SLC9A5: variants seen among roughly 807,000 people sequenced by gnomAD.
SLC9A5 encodes solute carrier family 9 member A5.
SLC9A5 carries 52 observed loss-of-function variants against 91.7 expected under a neutral mutation model. The observed-to-expected ratio is 0.57, with a 90% CI of 0.45 to 0.71. The LOEUF (loss-of-function observed/expected upper bound fraction) is 0.71, where lower values mean the gene tolerates loss of function less well. Ranked by LOEUF, SLC9A5 falls within the 30% of genes least tolerant of loss-of-function variation. SLC9A5 has a pLI of 0.00. For missense variants in SLC9A5, 871 were observed against 1,158.9 expected (o/e 0.75, Z 3.61); for synonymous variants, 419 against 474.5 (o/e 0.88, Z 1.52).
intron 15 of SLC9A5, among the ~76,000 whole-genome samples, chr16:67,269,738 T>C (rs2035856741): frequency 6.6e-6 from 1 of 152,216 alleles, no homozygotes; most frequent in Non-Finnish European, 1.5e-5. Context: ...GATGAACAGA[T>C]ACAGGCTGTA....
chr16:67,259,485 G>A (rs1386435553), intron 10 of SLC9A5, 88 bp from the exon 11 acceptor site: 10 of 917,236 alleles, frequency 1.1e-5, no homozygotes, highest in Non-Finnish European at 1.6e-5. Context: ...TAAACTAAGT[G>A]TTCGTTATTA....
Position 67,254,944 on chromosome 16 carries a change from G to A in SLC9A5, c.491-77G>A, listed in dbSNP as rs576303244. The A allele has an allele frequency of 4.7e-5, 69 of 1,456,694 alleles. No individual in the cohort carries two copies. The Middle Eastern group carries it at 2.6e-3, about 56-fold the overall frequency. The allele number at this position is 1,456,694 out of a possible 1,614,324, so 90.2% of individuals were successfully genotyped here. A position where few individuals can be genotyped will look rare whatever the true frequency, so the allele number is the denominator to read the frequency against. ...GCTGTTATCAGCAGGGGTGGGGCCT[G>A]GGCTTGTTCCAGGGCGTGCTCCAGG... On this transcript the variant is annotated intron_variant, in intron 2 of 15. Coordinates refer to ENST00000299798, the MANE Select transcript of SLC9A5 (RefSeq NM_004594.3).
chr16:67,265,674 C>T (rs1318828088), intron 14 of SLC9A5, among the ~76,000 whole-genome samples: 1 of 152,190 alleles, frequency 6.6e-6, no homozygotes, highest in Non-Finnish European at 1.5e-5. Flanking sequence ...CCGCCTGCCT[C>T]AGCTTCCCAA....
rs2035316825 is a variant in SLC9A5 at position 67,256,335 on chromosome 16, C to A, written c.912-134C>A. ...CAGCACTACCATTCAAGTCTTCAGG[C>A]CTCCCTGGGCTTCAGCTCTGAGAGT... is the stretch of plus-strand genomic sequence containing the variant. On this transcript the variant is annotated intron_variant, in intron 5 of 15. Transcript: ENST00000299798. This position sits in a 1 kb window ranked among gnomAD's most constrained non-coding sequence, Gnocchi z 4.1. 9.1e-6 allele frequency: 6 copies of A among 662,376 alleles called. No individual in the cohort carries two copies. Among genetic ancestry groups the A allele is most frequent in the Non-Finnish European group, 1.6e-5 (6 of 375,138 alleles). 41.0% of individuals were successfully genotyped at this position (662,376 alleles called of 1,614,324 possible). A position where few individuals can be genotyped will look rare whatever the true frequency, so the allele number is the denominator to read the frequency against.
Position 67,252,651 on chromosome 16 carries a change from G to A in SLC9A5, c.297G>A (p.Glu99=), listed in dbSNP as rs1255919725. The change falls in exon 2 of 16, where the codon GAG becomes GAA. Residue 99 remains glutamate, a synonymous_variant. Transcript: ENST00000299798. The surrounding 1 kb of genome is among the most constrained non-coding windows in gnomAD (Gnocchi z 4.0). ...GIVLAVAKKA[E]YQLEPGTFFL... ...TTTTGGCTGTGGCCAAGAAAGCTGA[G>A]TACCAGCTGGAGCCAGGCACCTTCT... 4 of 1,614,204 alleles carry A rather than the reference G, an allele frequency of 2.5e-6. No individual in the cohort carries two copies. The highest frequency in any genetic ancestry group is 4.5e-5 in the East Asian group (2 of 44,882).
At chr16:67,265,883 C>T (rs1356594741) in intron 14 of SLC9A5, among the ~76,000 whole-genome samples, 2 of 152,172 alleles carry the variant, frequency 1.3e-5, no homozygotes, top group South Asian at 2.1e-4. Context: ...TTCCTCTGGT[C>T]GCTTCCTTGG....
rs775761007 is a variant in SLC9A5 at position 67,264,348 on chromosome 16, C to T, written c.1843-4C>T. Reference sequence around the variant, plus strand: ...TCATAGCCAGGCGGGGCTGTCATTGCCAGTACAAAGCCAGCTGCAGTCGCC... The same window carrying T: ...TCATAGCCAGGCGGGGCTGTCATTGTCAGTACAAAGCCAGCTGCAGTCGCC... On this transcript the variant is annotated splice_polypyrimidine_tract_variant and splice_region_variant and intron_variant, in intron 12 of 15. Transcript: ENST00000299798. The T allele has an allele frequency of 6.2e-7, 1 of 1,613,652 alleles. No homozygotes were observed.
In SLC9A5 at chr16:67,255,665, C is replaced by A; in HGVS notation, c.734-88C>A. 2 of 1,422,754 alleles carry A rather than the reference C, an allele frequency of 1.4e-6. No homozygotes were observed. 88.1% of individuals were successfully genotyped at this position (1,422,754 alleles called of 1,614,324 possible). A position where few individuals can be genotyped will look rare whatever the true frequency, so the allele number is the denominator to read the frequency against. On this transcript the variant is annotated intron_variant, in intron 4 of 15. Coordinates refer to ENST00000299798, the MANE Select transcript of SLC9A5 (RefSeq NM_004594.3). The surrounding 1 kb of genome is among the most constrained non-coding windows in gnomAD (Gnocchi z 4.9). The stretch of plus-strand genomic sequence containing the variant: ...GAGCCCCTGGGAGTGCGGTGGGCAT[C>A]ATCCCTCACTCCCTGCCAGGCAGCA...
Position 67,270,716 on chromosome 16 carries a change from C to T in SLC9A5, c.2219-22C>T, listed in dbSNP as rs1183290555. ...ATTTCCACTGTATTGGTAATGAGTT[C>T]ATGTGTACTCTCTGTCCCCAGGAAG... On this transcript the variant is annotated intron_variant, in intron 15 of 15. Coordinates refer to ENST00000299798, the MANE Select transcript of SLC9A5 (RefSeq NM_004594.3). The surrounding 1 kb of genome is among the most constrained non-coding windows in gnomAD (Gnocchi z 4.3). 1 of 1,503,428 alleles carries T rather than the reference C, an allele frequency of 6.7e-7. No homozygotes were observed. Among genetic ancestry groups the T allele is most frequent in the East Asian group, 2.3e-5 (1 of 43,222 alleles). 93.1% of individuals were successfully genotyped at this position (1,503,428 alleles called of 1,614,324 possible). A position where few individuals can be genotyped will look rare whatever the true frequency, so the allele number is the denominator to read the frequency against.
rs2035151648 is a variant in SLC9A5 at position 67,252,223 on chromosome 16, G to T, written c.188-319G>T. ...CCAGCACTTTGGGAGGCCAAGGTGG[G>T]CGGATCATGAGGTCAGGAGTTCAAG... is the stretch of plus-strand genomic sequence containing the variant. On this transcript the variant is annotated intron_variant, in intron 1 of 15. Transcript: ENST00000299798. This position sits in a 1 kb window ranked among gnomAD's most constrained non-coding sequence, Gnocchi z 4.0. Among the ~76,000 whole-genome samples, 1 of 152,136 alleles carries T rather than the reference G, an allele frequency of 6.6e-6. No homozygotes were observed. Among genetic ancestry groups the T allele is most frequent in the African/African-American group, 2.4e-5 (1 of 41,400 alleles).
intron 11 of SLC9A5, 49 bp from the exon 12 acceptor site, chr16:67,259,771 G>A (rs1270859123): frequency 1.9e-6 from 3 of 1,603,912 alleles, no homozygotes; most frequent in Admixed American, 3.3e-5. Flanking sequence ...CCTTCTCCTG[G>A]ACTGCCTCCT....
rs946843566 is a variant in SLC9A5, at chr16:67,252,166, T to A, written c.188-376T>A. Reference sequence around the variant, plus strand: ...CTCCCTTGGTCCCAGTCTTAGAAGGTTGGCCAGGCGCGGTGGCTCACACCT... The same window carrying A: ...CTCCCTTGGTCCCAGTCTTAGAAGGATGGCCAGGCGCGGTGGCTCACACCT... On this transcript the variant is annotated intron_variant, in intron 1 of 15. Transcript: ENST00000299798. The surrounding 1 kb of genome is among the most constrained non-coding windows in gnomAD (Gnocchi z 4.0). 1.3e-5 allele frequency among the ~76,000 whole-genome samples: 2 copies of A among 151,528 alleles called. No individual in the cohort carries two copies. The highest frequency in any genetic ancestry group is 1.3e-4 in the Admixed American group (2 of 15,204).
rs190794907 is a variant in SLC9A5 at position 67,259,810 on chromosome 16, C to T, written c.1716-10C>T. 400 of 1,613,746 alleles carry T rather than the reference C, an allele frequency of 2.5e-4. No individual in the cohort carries two copies. The African/African-American group carries it at 4.1e-3, about 17-fold the overall frequency. On this transcript the variant is annotated splice_polypyrimidine_tract_variant and intron_variant, in intron 11 of 15. Coordinates refer to ENST00000299798, the MANE Select transcript of SLC9A5 (RefSeq NM_004594.3). ...CCCTCTCCAGCACATGTGTCCCCTGCCTCCTGCAGGAGGGAGAGTGGCAGT... is the reference window on the plus strand; with the variant it reads ...CCCTCTCCAGCACATGTGTCCCCTGTCTCCTGCAGGAGGGAGAGTGGCAGT...
chr16:67,263,968 G>A (rs1366856850), intron 12 of SLC9A5, among the ~76,000 whole-genome samples: 1 of 152,198 alleles, frequency 6.6e-6, no homozygotes, highest in African/African-American at 2.4e-5. Context: ...GTAGCTAGAA[G>A]GGGGCAGGTA....
At position 67,271,208 on chromosome 16, in the gene SLC9A5, T is replaced by C; in HGVS notation, c.2689T>C (p.Ter897GlnextTer22). ...CCAGTTCAACAGAGGCAGCCGGCTG[T>C]AGCTCAAGGCCTCGGGGAGGAGCAG... ...CIQFNRGSRL[*>Q] is the part of the protein sequence containing the mutation. The change falls in exon 16 of 16, where the codon TAG becomes CAG. Residue 897 changes from the stop codon to glutamine, a stop_lost. Coordinates refer to ENST00000299798, the MANE Select transcript of SLC9A5 (RefSeq NM_004594.3). 3.7e-6 allele frequency: 6 copies of C among 1,610,554 alleles called. No homozygotes were observed. The highest frequency in any genetic ancestry group is 5.1e-6 in the Non-Finnish European group (6 of 1,179,556).
chr16:67,256,298 G>A lies in SLC9A5; in HGVS notation c.912-171G>A, dbSNP rs1258406067. On this transcript the variant is annotated intron_variant, in intron 5 of 15. Transcript: ENST00000299798. The surrounding 1 kb of genome is among the most constrained non-coding windows in gnomAD (Gnocchi z 4.1). ...CACTGAATGGGAAGCCTGGAGATCTGGACTCTTAGCCCAGCACTACCATTC... is the reference window on the plus strand; with the variant it reads ...CACTGAATGGGAAGCCTGGAGATCTAGACTCTTAGCCCAGCACTACCATTC... 2.0e-5 allele frequency among the ~76,000 whole-genome samples: 3 copies of A among 152,174 alleles called. No individual in the cohort carries two copies. The highest frequency in any genetic ancestry group is 7.2e-5 in the African/African-American group (3 of 41,432).
At chr16:67,260,618 T>C (rs1421489513) in intron 12 of SLC9A5, among the ~76,000 whole-genome samples, 1 of 152,022 alleles carries the variant, frequency 6.6e-6, no homozygotes, top group Non-Finnish European at 1.5e-5. Context: ...GGTGATTGGC[T>C]CTGATGGTGA....
chr16:67,270,976 A>G lies in SLC9A5; in HGVS notation c.2457A>G (p.Pro819=), dbSNP rs766710071. 4.3e-6 allele frequency: 7 copies of G among 1,613,856 alleles called. No individual in the cohort carries two copies. Among genetic ancestry groups the G allele is most frequent in the Non-Finnish European group, 4.2e-6 (5 of 1,179,896 alleles). ...APILTCLPPH[P]RGTEEPQVPL... ...TTCTGACCTGCCTGCCTCCCCATCC[A>G]CGGGGCACTGAAGAGCCCCAGGTCC... Residue 819 remains proline (P), a synonymous_variant, in exon 16 of 16, where the codon CCA becomes CCG. Transcript: ENST00000299798. The surrounding 1 kb of genome is among the most constrained non-coding windows in gnomAD (Gnocchi z 4.3).
At chr16:67,269,704 T>C (rs2035855542) in intron 15 of SLC9A5, among the ~76,000 whole-genome samples, 1 of 152,132 alleles carries the variant, frequency 6.6e-6, no homozygotes, top group African/African-American at 2.4e-5. Context: ...AACAGAAGCT[T>C]ATTGGGCTGC....
Sources: gnomAD v4.1 joint callset for allele counts (sites outside exome capture counted in the v4.1 genomes callset) on GRCh38, gnomAD v4.1.1 for gene constraint, Gnocchi (gnomAD v3.1) non-coding constraint, MANE v1.5 for transcripts, NCBI Gene and HGNC (gene_info 2026-07-23, HGNC 2026-07-21) for gene names.